The following ADCK2 variants were observed in gnomAD, a reference collection of about 807,000 sequenced individuals.
ADCK2 encodes uncharacterized aarF domain-containing protein kinase 2.
A neutral mutation model predicts 52.3 loss-of-function variants in ADCK2; 37 were observed. That is an observed-to-expected ratio of 0.71 (90% confidence interval 0.54 to 0.93). The LOEUF is 0.93. Ranked by LOEUF, ADCK2 falls within the 40% of genes least tolerant of loss-of-function variation. The pLI is 0.00. For synonymous variants in ADCK2, 321 were observed against 349.2 expected (o/e 0.92, Z 0.90); for missense variants, 695 against 798.7 (o/e 0.87, Z 1.56).
chr7:140,682,495 G>A (rs1794533439), intron 4 of ADCK2, among the ~76,000 whole-genome samples: 1 of 152,126 alleles, frequency 6.6e-6, no homozygotes, highest in African/African-American at 2.4e-5. Flanking sequence ...CTGAGGAGGT[G>A]AGAGGGGCCT....
At position 140,674,475 on chromosome 7, in the gene ADCK2, C is replaced by A; in HGVS notation, c.934-136C>A. On this transcript the variant is annotated intron_variant, in intron 1 of 7. Coordinates refer to ENST00000072869, the MANE Select transcript of ADCK2 (RefSeq NM_052853.4). This position sits in a 1 kb window ranked among gnomAD's most constrained non-coding sequence, Gnocchi z 4.6. ...AACTGAGTCTGGAGTGAACTAACTG[C>A]TTGGGTGTCGGGACCACATCCTCTT... 6 of 1,200,630 alleles carry A rather than the reference C, an allele frequency of 5.0e-6. No individual in the cohort carries two copies. Among genetic ancestry groups the A allele is most frequent in the African/African-American group, 1.5e-5 (1 of 65,090 alleles). 74.4% of individuals were successfully genotyped at this position (1,200,630 alleles called of 1,614,324 possible).
At chr7:140,682,862 G>A (rs569686482) in intron 4 of ADCK2, among the ~76,000 whole-genome samples, 13 of 150,690 alleles carry the variant, frequency 8.6e-5, no homozygotes, top group South Asian at 2.1e-4. Flanking sequence ...AATTGGCCAC[G>A]TTTGGTGGCA....
chr7:140,675,577 T>C (rs73736519), intron 2 of ADCK2, among the ~76,000 whole-genome samples: 10,875 of 152,266 alleles, frequency 0.071, 1,289 homozygotes, highest in African/African-American at 0.25. Flanking sequence ...GTAATAAATT[T>C]TGTGGCCAGG....
chr7:140,675,335 G>A (rs936254492), intron 2 of ADCK2, among the ~76,000 whole-genome samples: 2 of 152,186 alleles, frequency 1.3e-5, no homozygotes, highest in Admixed American at 6.5e-5. Context: ...ACAGAGACAG[G>A]GTCTTGCCAT....
In ADCK2 at chr7:140,673,832, T is replaced by C. The variant is rs369907540; in HGVS notation, c.502T>C (p.Ser168Pro). The C allele has an allele frequency of 4.3e-6, 7 of 1,613,738 alleles. No individual in the cohort carries two copies. Among genetic ancestry groups the C allele is most frequent in the Non-Finnish European group, 5.9e-6 (7 of 1,180,020 alleles). The change falls in exon 1 of 8, where the codon TCC (serine) becomes CCC (proline). Residue 168 changes from serine to proline, a missense_variant. Transcript: ENST00000072869. This position sits in a 1 kb window ranked among gnomAD's most constrained non-coding sequence, Gnocchi z 6.4. ...LFSEAFCAQF[S>P]KLHVRVTPHP... The stretch of plus-strand genomic sequence containing the variant: ...TTCGGAGGCTTTCTGTGCCCAATTT[T>C]CCAAGCTGCATGTCCGAGTGACGCC...
rs574323766 is a variant in ADCK2, at chr7:140,681,248, G to T, written c.1305+111G>T. 192 of 960,148 alleles carry T rather than the reference G, an allele frequency of 2.0e-4. No individual in the cohort carries two copies. In the East Asian group the frequency reaches 2.4e-3, roughly 12 times the overall value. The allele number at this position is 960,148 out of a possible 1,614,324, so 59.5% of individuals were successfully genotyped here. On this transcript the variant is annotated intron_variant, in intron 4 of 7. Transcript: ENST00000072869. ...GGGAAGGAGAGCGAAGCAGCAAGCCGCCAGGTTGAGAAAGTCTGGTCTAGA... is the reference window on the plus strand; with the variant it reads ...GGGAAGGAGAGCGAAGCAGCAAGCCTCCAGGTTGAGAAAGTCTGGTCTAGA...
chr7:140,674,718 T>C lies in ADCK2; in HGVS notation c.1041T>C (p.Pro347=). The C allele has an allele frequency of 6.2e-7, 1 of 1,613,730 alleles. No homozygotes were observed. Among genetic ancestry groups the C allele is most frequent in the Non-Finnish European group, 8.5e-7 (1 of 1,179,630 alleles). The change falls in exon 2 of 8, where the codon CCT becomes CCC. Residue 347 remains proline (P), a synonymous_variant. Transcript: ENST00000072869. This position sits in a 1 kb window ranked among gnomAD's most constrained non-coding sequence, Gnocchi z 4.6. ...VLPGIKWLSL[P]EIVEEFEKLM... ...CAGGCATCAAGTGGCTTAGCTTGCC[T>C]GAGATTGTGGAGGAATTTGAGAAGC...
chr7:140,680,134 A>G (rs1485460758), intron 3 of ADCK2, among the ~76,000 whole-genome samples: 2 of 150,606 alleles, frequency 1.3e-5, no homozygotes, highest in Middle Eastern at 3.4e-3. Context: ...ATCTATCTCC[A>G]TGGGTTGTTT....
chr7:140,689,602 G>C lies in ADCK2; in HGVS notation c.1563G>C (p.Gln521His), dbSNP rs781057568. ...TTTTCCGTTGCATTTTCCAGGGCCA[G>C]AGAGTGGCTGAGCTGATCCTGCATC... ...VFMAVVMGQG[Q>H]RVAELILHHA... The change falls in exon 6 of 8, where the codon CAG (glutamine) becomes CAC (histidine). Residue 521 changes from glutamine (Q) to histidine (H), a missense_variant. Gln to His is a conservative substitution (Grantham distance 24). Coordinates refer to ENST00000072869, the MANE Select transcript of ADCK2 (RefSeq NM_052853.4). The C allele has an allele frequency of 2.4e-5, 38 of 1,599,558 alleles. No individual in the cohort carries two copies. The highest frequency in any genetic ancestry group is 3.2e-5 in the Non-Finnish European group (37 of 1,170,980).
intron 4 of ADCK2, among the ~76,000 whole-genome samples, chr7:140,686,577 G>A (rs1481847004): frequency 2.0e-5 from 3 of 152,020 alleles, no homozygotes; most frequent in Non-Finnish European, 2.9e-5. Context: ...ACCACACCCG[G>A]CCTTATTTAT....
rs1056064350 is a variant in ADCK2 at position 140,678,416 on chromosome 7, G to A, written c.1081-739G>A. Among the ~76,000 whole-genome samples, 16 of 152,142 alleles carry A rather than the reference G, an allele frequency of 1.1e-4. No individual in the cohort carries two copies. Among genetic ancestry groups the A allele is most frequent in the African/African-American group, 3.9e-4 (16 of 41,406 alleles). ...ATTGAGGTCTGACCTGGGGATCAAG[G>A]TGCTGTCAGAGGAGGCGCCGGCTGA... On this transcript the variant is annotated intron_variant, in intron 2 of 7. Transcript: ENST00000072869. This position sits in a 1 kb window ranked among gnomAD's most constrained non-coding sequence, Gnocchi z 4.9.
chr7:140,674,315 C>G lies in ADCK2; in HGVS notation c.933+52C>G, dbSNP rs1213942464. 1 of 1,514,510 alleles carries G rather than the reference C, an allele frequency of 6.6e-7. No homozygotes were observed. Among genetic ancestry groups the G allele is most frequent in the East Asian group, 2.3e-5 (1 of 44,072 alleles). The allele number at this position is 1,514,510 out of a possible 1,614,324, so 93.8% of individuals were successfully genotyped here. ...ACCTACCCACTGAGCTATCCCAGAT[C>G]AGAAACAACCGCCATGCAAATCGCC... On this transcript the variant is annotated intron_variant, in intron 1 of 7. Coordinates refer to ENST00000072869, the MANE Select transcript of ADCK2 (RefSeq NM_052853.4). The surrounding 1 kb of genome is among the most constrained non-coding windows in gnomAD (Gnocchi z 4.6).
At chr7:140,675,675 A>G (rs967501260) in intron 2 of ADCK2, among the ~76,000 whole-genome samples, 1 of 152,260 alleles carries the variant, frequency 6.6e-6, no homozygotes, top group African/African-American at 2.4e-5. Flanking sequence ...CTTGGGAAAT[A>G]CAGTCTTCCT....
intron 4 of ADCK2, among the ~76,000 whole-genome samples, chr7:140,682,305 G>T (rs768096704): frequency 2.6e-5 from 4 of 152,200 alleles, no homozygotes; most frequent in Non-Finnish European, 5.9e-5. Context: ...CAGTGTGAAG[G>T]TCTAGGTGTC....
intron 2 of ADCK2, among the ~76,000 whole-genome samples, chr7:140,677,843 G>A (rs1563206572): frequency 1.3e-5 from 2 of 152,130 alleles, no homozygotes; most frequent in African/African-American, 4.8e-5. Flanking sequence ...ACCAAGTGGG[G>A]GAATAACATT....
chr7:140,693,711 AT>A lies in ADCK2; in HGVS notation c.1741-944del. 6.6e-6 allele frequency among the ~76,000 whole-genome samples: 1 copy of A among 151,904 alleles called. No individual in the cohort carries two copies. Among genetic ancestry groups the A allele is most frequent in the East Asian group, 1.9e-4 (1 of 5,172 alleles). On this transcript the variant is annotated intron_variant, in intron 7 of 7. Coordinates refer to ENST00000072869, the MANE Select transcript of ADCK2 (RefSeq NM_052853.4). The surrounding 1 kb of genome is among the most constrained non-coding windows in gnomAD (Gnocchi z 4.0). Reference sequence around the variant, plus strand: ...AGCAGTCAATTGTGTGTTGTCTCTGATTTTTTTTATTTTTTTGAGATGGAGT... The same window carrying A: ...AGCAGTCAATTGTGTGTTGTCTCTGATTTTTTTATTTTTTTGAGATGGAGT...
Position 140,673,195 on chromosome 7 carries a change from A to C in ADCK2, c.-136A>C. 8.1e-6 allele frequency: 5 copies of C among 616,852 alleles called. No individual in the cohort carries two copies. The highest frequency in any genetic ancestry group is 9.6e-6 in the Non-Finnish European group (4 of 418,612). 38.2% of individuals were successfully genotyped at this position (616,852 alleles called of 1,614,324 possible). A position where few individuals can be genotyped will look rare whatever the true frequency, so the allele number is the denominator to read the frequency against. On this transcript the variant is annotated 5_prime_UTR_variant, in exon 1 of 8. Coordinates refer to ENST00000072869, the MANE Select transcript of ADCK2 (RefSeq NM_052853.4). This position sits in a 1 kb window ranked among gnomAD's most constrained non-coding sequence, Gnocchi z 6.4. ...TGAGGCCCGGCGAGGTGCTGGAGGGAGCGGGGCGCGGATCCGGCCCAGATG... is the reference window on the plus strand; with the variant it reads ...TGAGGCCCGGCGAGGTGCTGGAGGGCGCGGGGCGCGGATCCGGCCCAGATG...
intron 2 of ADCK2, among the ~76,000 whole-genome samples, chr7:140,675,674 T>C (rs1021725293): frequency 6.6e-6 from 1 of 152,208 alleles, no homozygotes; most frequent in African/African-American, 2.4e-5. Context: ...GCTTGGGAAA[T>C]ACAGTCTTCC....
rs1801661929 is a variant in ADCK2 at position 140,673,288 on chromosome 7, C to T, written c.-43C>T. 4 of 1,413,498 alleles carry T rather than the reference C, an allele frequency of 2.8e-6. No homozygotes were observed. In the East Asian group the frequency reaches 1.1e-4, roughly 39 times the overall value. 87.6% of individuals were successfully genotyped at this position (1,413,498 alleles called of 1,614,324 possible). A position where few individuals can be genotyped will look rare whatever the true frequency, so the allele number is the denominator to read the frequency against. On this transcript the variant is annotated 5_prime_UTR_variant, in exon 1 of 8. Transcript: ENST00000072869. The surrounding 1 kb of genome is among the most constrained non-coding windows in gnomAD (Gnocchi z 6.4). ...CGCAGCCTCGCCTGAGCGGGCGCCT[C>T]TGAAGTGGAGGGCGGGCCGCCTGGG...
Sources: gnomAD v4.1 joint callset for allele counts (sites outside exome capture counted in the v4.1 genomes callset) on GRCh38, gnomAD v4.1.1 for gene constraint, Gnocchi (gnomAD v3.1) non-coding constraint, MANE v1.5 for transcripts, NCBI Gene and HGNC (gene_info 2026-07-23, HGNC 2026-07-21) for gene names.